Variants in EMC3 observed in about 807,000 individuals in gnomAD.
The protein encoded by EMC3 is ER membrane protein complex subunit 3.
In EMC3, 13 loss-of-function variants were observed where a neutral mutation model predicts 36.6. That is an observed-to-expected ratio of 0.35 (90% CI 0.23 to 0.56). The LOEUF is 0.56. Ranked by LOEUF, EMC3 falls within the 20% of genes least tolerant of loss-of-function variation. EMC3 has a pLI of 0.84. For missense variants in EMC3, 220 were observed against 324.5 expected, an observed-to-expected ratio of 0.68 and a Z score of 2.47; for synonymous variants, 120 against 111.9, an observed-to-expected ratio of 1.07 and a Z score of -0.46.
At chr3:9,991,537 G>C (rs186307487), upstream of EMC3, among the ~76,000 whole-genome samples, 12 of 152,194 alleles carry the variant, frequency 7.9e-5, 2 homozygotes, top group South Asian at 1.0e-3. Flanking sequence ...TGTTTAAAGA[G>C]ACAGGGTCTC....
intron 1 of EMC3, chr3:10,010,861 AGGGG>A (rs1347104288): frequency 1.3e-5 from 2 of 152,286 alleles, no homozygotes; most frequent in African/African-American, 4.8e-5. Flanking sequence ...GGTGGCCCGC[AGGGG>A]ACGCGGCCGC....
chr3:9,981,010 C>A (rs1428902026), intron 1 of EMC3, among the ~76,000 whole-genome samples: 3 of 152,044 alleles, frequency 2.0e-5, no homozygotes, highest in African/African-American at 7.2e-5. Context: ...CAAGAACAGC[C>A]TAGTCAACAT....
chr3:9,984,711 T>A (rs1279763603), intron 1 of EMC3, among the ~76,000 whole-genome samples: 1 of 152,146 alleles, frequency 6.6e-6, no homozygotes, highest in Non-Finnish European at 1.5e-5. Context: ...CTTCTTAAGG[T>A]TCGCTCCAGG....
chr3:9,980,095 C>A (rs2124912900), intron 1 of EMC3, among the ~76,000 whole-genome samples: 1 of 150,504 alleles, frequency 6.6e-6, no homozygotes, highest in African/African-American at 2.5e-5. Flanking sequence ...CTCAGTGCAA[C>A]CTCTGCCTCA....
chr3:9,963,632 C>G lies in EMC3; in HGVS notation c.*437G>C, dbSNP rs1179382316. On this transcript the variant is annotated 3_prime_UTR_variant, in exon 8 of 8. Transcript: ENST00000245046. ...GGGATTACAGGTGCCCACCACCACG[C>G]CCGGCTAATTTTTTTTTGTATTTTT... The G allele has an allele frequency of 1.3e-5, 2 of 154,064 alleles. No individual in the cohort carries two copies. Among genetic ancestry groups the G allele is most frequent in the African/African-American group, 4.9e-5 (2 of 41,236 alleles). 9.5% of individuals were successfully genotyped at this position (154,064 alleles called of 1,614,324 possible).
Position 10,005,492 on chromosome 3 carries a change from A to C in EMC3, c.-242+5531T>G, listed in dbSNP as rs572866235. Reference sequence around the variant, plus strand: ...GTATTTCAGGAATACAGTAGGTAGAAGGGCCAGGACTTTGCCCTTTTACTC... The same window carrying C: ...GTATTTCAGGAATACAGTAGGTAGACGGGCCAGGACTTTGCCCTTTTACTC... On this transcript the variant is annotated intron_variant, in intron 1 of 8. Transcript: ENST00000470827. Among the ~76,000 whole-genome samples the C allele has an allele frequency of 2.0e-5, 3 of 152,316 alleles. No homozygotes were observed. In the South Asian group the frequency reaches 6.2e-4, roughly 32 times the overall value.
At position 9,986,718 on chromosome 3, in the gene EMC3, C is replaced by G; in HGVS notation, c.-57G>C. 1.2e-6 allele frequency: 2 copies of G among 1,600,228 alleles called. No individual in the cohort carries two copies. Among genetic ancestry groups the G allele is most frequent in the Non-Finnish European group, 1.7e-6 (2 of 1,172,346 alleles). On this transcript the variant is annotated 5_prime_UTR_variant, in exon 1 of 8. Transcript: ENST00000245046. ...GGGCGAGCTTCTCTTCTCCGGGGCA[C>G]AGTTGCTTCTCTTCGGCTTCGCCTC... is the stretch of plus-strand genomic sequence containing the variant.
chr3:9,981,881 C>A, intron 1 of EMC3: 2 of 312,254 alleles, frequency 6.4e-6, no homozygotes, highest in South Asian at 2.4e-5. Flanking sequence ...CATAATCTAT[C>A]CCCAAACCTA....
At position 9,982,930 on chromosome 3, in the gene EMC3, CTT is replaced by C. The variant is rs1270982967; in HGVS notation, c.155+3575_155+3576del. Among the ~76,000 whole-genome samples the C allele has an allele frequency of 1.3e-4, 19 of 151,880 alleles. No individual in the cohort carries two copies. In the East Asian group the frequency reaches 1.5e-3, roughly 12 times the overall value. ...AAAAAGTTTTACAACTAAAACACAC[CTT>C]TTTCTTGGACTTAGGCTGGTTCAGC... On this transcript the variant is annotated intron_variant, in intron 1 of 7. Coordinates refer to ENST00000245046, the MANE Select transcript of EMC3 (RefSeq NM_001394674.1).
chr3:9,974,857 GTTTTT>G (rs71307728), intron 3 of EMC3, among the ~76,000 whole-genome samples: 1 of 63,398 alleles, frequency 1.6e-5, no homozygotes, highest in Non-Finnish European at 2.9e-5. Context: ...CGCACCCAGC[GTTTTT>G]TTTTTTTTTT....
At chr3:9,983,645 C>T (rs532568566) in intron 1 of EMC3, among the ~76,000 whole-genome samples, 2 of 151,870 alleles carry the variant, frequency 1.3e-5, no homozygotes, top group African/African-American at 2.4e-5. Flanking sequence ...GCACTCCAGC[C>T]TGGGCAAGAG....
chr3:9,999,649 CA>C (rs2086173587), intron 1 of EMC3, among the ~76,000 whole-genome samples: 1 of 152,140 alleles, frequency 6.6e-6, no homozygotes, highest in African/African-American at 2.4e-5. Flanking sequence ...TTTAAGTTGG[CA>C]AAAGCACCAT....
At chr3:9,987,381 G>T, upstream of EMC3, 1 of 849,322 alleles carries the variant, frequency 1.2e-6, no homozygotes, top group Non-Finnish European at 1.4e-6. Context: ...CCAAGCCTCG[G>T]CTTCCTCATC....
intron 1 of EMC3, chr3:9,981,760 C>G (rs1241615055): frequency 4.5e-6 from 2 of 444,906 alleles, no homozygotes; most frequent in Admixed American, 4.9e-5. Context: ...TGGAATAAAA[C>G]TTTAAAGTCA....
At chr3:9,976,854 A>G in intron 3 of EMC3, 103 bp downstream of exon 3, 1 of 775,444 alleles carries the variant, frequency 1.3e-6, no homozygotes, top group Non-Finnish European at 2.2e-6. Flanking sequence ...ATCTTTTGCA[A>G]TTTAACATTT....
At position 9,969,655 on chromosome 3, in the gene EMC3, T is replaced by TA. The variant is rs757746846; in HGVS notation, c.657+63dup. The TA allele has an allele frequency of 4.3e-6, 7 of 1,612,624 alleles. No individual in the cohort carries two copies. The Admixed American group carries it at 1.2e-4, about 27-fold the overall frequency. ...ACACTCCCTTCAAGGAAGCTATTTT[T>TA]AAAATAGCTCTTGGTAACACCTTTC... On this transcript the variant is annotated intron_variant, in intron 7 of 7. Coordinates refer to ENST00000245046, the MANE Select transcript of EMC3 (RefSeq NM_001394674.1).
chr3:9,990,323 C>CTA (rs1361164664), upstream of EMC3, among the ~76,000 whole-genome samples: 3 of 109,120 alleles, frequency 2.7e-5, no homozygotes, highest in Admixed American at 8.8e-5. Flanking sequence ...CCGGGCCTTT[C>CTA]TCTTTTTTTT....
upstream of EMC3, among the ~76,000 whole-genome samples, chr3:9,991,385 ATCCT>A (rs1378728623): frequency 3.3e-5 from 5 of 152,188 alleles, no homozygotes; most frequent in Admixed American, 1.3e-4. Flanking sequence ...AGGGGTAATC[ATCCT>A]TCCAAATTTT....
chr3:9,990,186 G>A (rs559525988), upstream of EMC3, among the ~76,000 whole-genome samples: 43 of 151,414 alleles, frequency 2.8e-4, no homozygotes, highest in African/African-American at 8.5e-4. Context: ...CACCACGCCC[G>A]GCTAATTTTT....
Sources: gnomAD v4.1 joint callset for allele counts (sites outside exome capture counted in the v4.1 genomes callset) on GRCh38, gnomAD v4.1.1 for gene constraint, MANE v1.5 for transcripts, NCBI Gene and HGNC (gene_info 2026-07-23, HGNC 2026-07-21) for gene names.